Variants in NRG4 observed in about 807,000 individuals in gnomAD.
The protein encoded by NRG4 is pro-neuregulin-4, membrane-bound isoform.
In NRG4, 10 loss-of-function variants were observed where a neutral mutation model predicts 15.0. The observed-to-expected ratio is 0.67, with a 90% confidence interval of 0.41 to 1.13. The LOEUF is 1.13. Ranked by LOEUF, NRG4 falls within the 50% of genes most tolerant of loss-of-function variation. NRG4 has a pLI of 0.00. For missense variants in NRG4, 139 were observed against 140.2 expected (o/e 0.99, Z 0.04); for synonymous variants, 41 against 50.1 (o/e 0.82, Z 0.77).
rs2141845006 is a variant in NRG4 at position 75,977,630 on chromosome 15, T to A, written c.105-15656A>T. On this transcript the variant is annotated intron_variant, in intron 3 of 5. Transcript: ENST00000394907. This position sits in a 1 kb window ranked among gnomAD's most constrained non-coding sequence, Gnocchi z 4.9. The stretch of plus-strand genomic sequence containing the variant: ...CACCCCACCCTGCTTCGGCTCACCC[T>A]CTGTGGGCTGCATCGACTGTCTAAC... Among the ~76,000 whole-genome samples, 1 of 152,236 alleles carries A rather than the reference T, an allele frequency of 6.6e-6. No homozygotes were observed. Among genetic ancestry groups the A allele is most frequent in the African/African-American group, 2.4e-5 (1 of 41,560 alleles).
downstream of NRG4, chr15:75,936,733 CCTGG>C (rs1448786746): frequency 1.3e-5 from 2 of 152,138 alleles, no homozygotes; most frequent in Non-Finnish European, 2.9e-5. Flanking sequence ...CGCCACCATG[CCTGG>C]CTAATTTTGT....
upstream of NRG4, among the ~76,000 whole-genome samples, chr15:76,015,573 C>A (rs1399343852): frequency 6.6e-6 from 1 of 152,108 alleles, no homozygotes; most frequent in Non-Finnish European, 1.5e-5. Flanking sequence ...TGACTTTTAT[C>A]AAAGGCCTTT....
chr15:75,975,749 T>TAA (rs2033338209), intron 3 of NRG4, among the ~76,000 whole-genome samples: 1 of 152,158 alleles, frequency 6.6e-6, no homozygotes, highest in Non-Finnish European at 1.5e-5. Context: ...CCTTTGTGGG[T>TAA]AGGTAACCCG....
intron 5 of NRG4, among the ~76,000 whole-genome samples, chr15:75,950,082 T>C (rs1375349552): frequency 1.3e-5 from 2 of 152,222 alleles, no homozygotes; most frequent in African/African-American, 4.8e-5. Flanking sequence ...CTTACAATAT[T>C]GAATCTTCCA....
chr15:76,059,339 C>A (rs1432275306), intron 1 of NRG4, among the ~76,000 whole-genome samples: 2 of 152,206 alleles, frequency 1.3e-5, no homozygotes, highest in African/African-American at 4.8e-5. Context: ...GAGGTGTTTT[C>A]CCCTCGGTGG....
At chr15:75,995,891 AG>A (rs755770107) in intron 3 of NRG4, among the ~76,000 whole-genome samples, 1 of 152,324 alleles carries the variant, frequency 6.6e-6, no homozygotes, top group Non-Finnish European at 1.5e-5. Context: ...AGGGTATTGT[AG>A]CCAGAAGACT....
chr15:76,045,201 T>C (rs989334132), intron 4 of NRG4, among the ~76,000 whole-genome samples: 9 of 151,000 alleles, frequency 6.0e-5, no homozygotes, highest in Non-Finnish European at 1.2e-4. Flanking sequence ...CTCAACATAA[T>C]TGACCATCAG....
intron 3 of NRG4, among the ~76,000 whole-genome samples, chr15:75,964,574 C>T (rs1402197855): frequency 6.6e-6 from 1 of 152,164 alleles, no homozygotes; most frequent in Non-Finnish European, 1.5e-5. Context: ...AGGAAGATCT[C>T]TTTTAAAAGC....
upstream of NRG4, chr15:76,059,872 C>T (rs2141975787): frequency 6.9e-6 from 1 of 144,924 alleles, no homozygotes; most frequent in African/African-American, 2.5e-5. Context: ...CGAGGCCTCG[C>T]GCGCGCCCCC....
intron 4 of NRG4, among the ~76,000 whole-genome samples, chr15:76,050,106 CAT>C (rs1481915217): frequency 2.7e-5 from 4 of 150,856 alleles, no homozygotes; most frequent in Admixed American, 2.6e-4. Flanking sequence ...AGAAATATAT[CAT>C]GTTAGCCTTA....
At chr15:75,950,210 C>T (rs1352098959) in intron 5 of NRG4, among the ~76,000 whole-genome samples, 1 of 151,974 alleles carries the variant, frequency 6.6e-6, no homozygotes, top group Non-Finnish European at 1.5e-5. Flanking sequence ...TGCTTATGTA[C>T]TTAATACATT....
At chr15:76,010,788 G>T (rs372380975) in intron 2 of NRG4, among the ~76,000 whole-genome samples, 1 of 152,076 alleles carries the variant, frequency 6.6e-6, no homozygotes, top group African/African-American at 2.4e-5. Flanking sequence ...ACTGAGGGTG[G>T]AATGTAACTT....
chr15:76,042,564 T>C lies in NRG4; in HGVS notation c.-104-6573A>G, dbSNP rs192737640. Reference sequence around the variant, plus strand: ...AATAAATTGAAAAGCCAAGAAGAAATGGATAAATTCCTAGACATATACAAC... The same window carrying C: ...AATAAATTGAAAAGCCAAGAAGAAACGGATAAATTCCTAGACATATACAAC... On this transcript the variant is annotated intron_variant, in intron 4 of 8. Coordinates refer to the NRG4 transcript ENST00000563910. 5.4e-4 allele frequency among the ~76,000 whole-genome samples: 82 copies of C among 151,986 alleles called. 1 individual carries two copies. Among genetic ancestry groups the C allele is most frequent in the African/African-American group, 1.9e-3 (78 of 41,486 alleles).
chr15:75,940,453 A>ATTTTT (rs71444942), downstream of NRG4: 1 of 140,212 alleles, frequency 7.1e-6, no homozygotes, highest in African/African-American at 2.6e-5. Context: ...GAATCCTAGG[A>ATTTTT]TTTTTTTTTT....
At position 75,977,975 on chromosome 15, in the gene NRG4, C is replaced by T. The variant is rs1444399037; in HGVS notation, c.105-16001G>A. Among the ~76,000 whole-genome samples the T allele has an allele frequency of 6.6e-6, 1 of 152,042 alleles. No individual in the cohort carries two copies. The highest frequency in any genetic ancestry group is 1.5e-5 in the Non-Finnish European group (1 of 68,006). On this transcript the variant is annotated intron_variant, in intron 3 of 5. Coordinates refer to ENST00000394907, the MANE Select transcript of NRG4 (RefSeq NM_138573.4). The surrounding 1 kb of genome is among the most constrained non-coding windows in gnomAD (Gnocchi z 4.9). The stretch of plus-strand genomic sequence containing the variant: ...GGGATCACAGGTGCCTGCCACCATG[C>T]CCAGCTAATTTTTGTATTTTTAGTA...
chr15:76,003,495 A>C (rs144811004), intron 3 of NRG4, among the ~76,000 whole-genome samples: 472 of 152,244 alleles, frequency 3.1e-3, no homozygotes, highest in Middle Eastern at 6.8e-3. Context: ...CCAAAAAGAG[A>C]AAAAAGACAA....
intron 5 of NRG4, among the ~76,000 whole-genome samples, chr15:76,029,486 C>A (rs1476732466): frequency 5.3e-5 from 8 of 152,160 alleles, no homozygotes; most frequent in African/African-American, 9.7e-5. Context: ...GGAAATCAAA[C>A]TGTTCCTGTT....
intron 4 of NRG4, among the ~76,000 whole-genome samples, chr15:75,957,051 G>C (rs2032275900): frequency 6.6e-6 from 1 of 151,590 alleles, no homozygotes; most frequent in South Asian, 2.1e-4. Flanking sequence ...AAAATATCAA[G>C]GTCAAAATTA....
At chr15:76,010,860 T>C (rs769279750) in intron 2 of NRG4, among the ~76,000 whole-genome samples, 1 of 152,130 alleles carries the variant, frequency 6.6e-6, no homozygotes, top group Non-Finnish European at 1.5e-5. Context: ...ATCTCAACAC[T>C]TGGCATTTAT....
Sources: gnomAD v4.1 joint callset for allele counts (sites outside exome capture counted in the v4.1 genomes callset) on GRCh38, gnomAD v4.1.1 for gene constraint, Gnocchi (gnomAD v3.1) non-coding constraint, MANE v1.5 for transcripts, NCBI Gene and HGNC (gene_info 2026-07-23, HGNC 2026-07-21) for gene names.